Variants in GNAO1 observed in about 807,000 individuals in gnomAD.
The protein encoded by GNAO1 is guanine nucleotide-binding protein G(o) subunit alpha.
For synonymous variants in GNAO1, 164 were observed against 180.7 expected, an observed-to-expected ratio of 0.91 and a Z score of 0.74; for missense variants, 166 against 478.7, an observed-to-expected ratio of 0.35 and a Z score of 6.10.
chr16:56,325,347 A>G (rs535880469), intron 3 of GNAO1, among the ~76,000 whole-genome samples: 252 of 152,304 alleles, frequency 1.7e-3, no homozygotes, highest in Non-Finnish European at 3.1e-3. Flanking sequence ...GTGGTGGCAC[A>G]TGCCTGTAAT....
chr16:56,287,717 G>A (rs1463436718), intron 3 of GNAO1, among the ~76,000 whole-genome samples: 8 of 152,206 alleles, frequency 5.3e-5, no homozygotes, highest in Non-Finnish European at 1.2e-4. Flanking sequence ...AGAATCAGCT[G>A]TCCCTTCTGA....
At chr16:56,213,159 G>T (rs1215232663) in intron 2 of GNAO1, 1 of 394,964 alleles carries the variant, frequency 2.5e-6, no homozygotes, top group Admixed American at 4.4e-5. Context: ...ATGTGAATTT[G>T]TCTGTTTTCA....
chr16:56,270,793 A>C (rs1002622969), intron 2 of GNAO1: 16 of 152,176 alleles, frequency 1.1e-4, no homozygotes, highest in African/African-American at 3.4e-4. Flanking sequence ...AGAGGGAATT[A>C]TTTGGCTCAT....
At chr16:56,203,600 C>T (rs1430617884) in intron 2 of GNAO1, among the ~76,000 whole-genome samples, 2 of 152,054 alleles carry the variant, frequency 1.3e-5, no homozygotes, top group African/African-American at 4.8e-5. Context: ...GAGAGGGAGC[C>T]AGAAAGACAT....
intron 2 of GNAO1, among the ~76,000 whole-genome samples, chr16:56,217,112 A>G (rs1203105895): frequency 6.6e-6 from 1 of 152,238 alleles, no homozygotes; most frequent in African/African-American, 2.4e-5. Flanking sequence ...TGTCCTGGCT[A>G]TATTTTCCAT....
intron 2 of GNAO1, among the ~76,000 whole-genome samples, chr16:56,237,369 C>T (rs1257728453): frequency 1.3e-5 from 2 of 152,126 alleles, no homozygotes; most frequent in African/African-American, 4.8e-5. Flanking sequence ...ATGAACCCCT[C>T]CTCTTGTAGG....
chr16:56,240,832 A>G (rs1365651977), intron 2 of GNAO1, among the ~76,000 whole-genome samples: 6 of 152,180 alleles, frequency 3.9e-5, no homozygotes, highest in Non-Finnish European at 7.3e-5. Context: ...AAGGATGCTT[A>G]TAAAACTAGA....
intron 2 of GNAO1, among the ~76,000 whole-genome samples, chr16:56,269,955 G>A (rs936968447): frequency 1.1e-4 from 17 of 152,186 alleles, no homozygotes; most frequent in Non-Finnish European, 2.1e-4. Context: ...TGCCTGGGGA[G>A]TCTCACTGCA....
At chr16:56,349,485 G>A (rs2037902274) in intron 6 of GNAO1, among the ~76,000 whole-genome samples, 1 of 152,206 alleles carries the variant, frequency 6.6e-6, no homozygotes, top group East Asian at 1.9e-4. Context: ...AGAAGCCTCC[G>A]GCTGCCCTTT....
intron 2 of GNAO1, among the ~76,000 whole-genome samples, chr16:56,198,827 G>A (rs922189323): frequency 6.6e-6 from 1 of 152,184 alleles, no homozygotes; most frequent in Non-Finnish European, 1.5e-5. Context: ...AAGCAGAAGG[G>A]GGGTGCTGTG....
chr16:56,215,494 C>CT (rs1476091108), intron 2 of GNAO1, among the ~76,000 whole-genome samples: 1 of 152,144 alleles, frequency 6.6e-6, no homozygotes, highest in African/African-American at 2.4e-5. Context: ...GTTTTGTGGC[C>CT]TTGGGCAACT....
chr16:56,234,158 G>T (rs1257296787), intron 2 of GNAO1, among the ~76,000 whole-genome samples: 13 of 152,240 alleles, frequency 8.5e-5, no homozygotes, highest in Non-Finnish European at 1.9e-4. Flanking sequence ...ACTGTGAGTG[G>T]CCCTAGGTGC....
chr16:56,347,115 T>C (rs1266346246), intron 6 of GNAO1: 21 of 985,338 alleles, frequency 2.1e-5, no homozygotes, highest in Non-Finnish European at 2.5e-5. Flanking sequence ...GGATATTTAA[T>C]GAGCACTCGG....
At chr16:56,195,513 G>A (rs7190610) in intron 2 of GNAO1, among the ~76,000 whole-genome samples, 6,645 of 152,328 alleles carry the variant, frequency 0.044, 326 homozygotes, top group African/African-American at 0.11. Context: ...ATTCTACTGT[G>A]GATGGGGCCA....
At position 56,326,388 on chromosome 16, in the gene GNAO1, C is replaced by T. The variant is rs552254837; in HGVS notation, c.304-2243C>T. On this transcript the variant is annotated intron_variant, in intron 3 of 8. Transcript: ENST00000262493. The surrounding 1 kb of genome is among the most constrained non-coding windows in gnomAD (Gnocchi z 4.8). The stretch of plus-strand genomic sequence containing the variant: ...CAAGAAGACAGGGTATGTCTGGTGC[C>T]TGGGCTGAGACAGGGGCTTGCTGTC... 2.8e-4 allele frequency among the ~76,000 whole-genome samples: 43 copies of T among 152,268 alleles called. No homozygotes were observed. The highest frequency in any genetic ancestry group is 2.7e-3 in the Admixed American group (42 of 15,306).
intron 3 of GNAO1, among the ~76,000 whole-genome samples, chr16:56,304,590 C>T (rs1454100864): frequency 6.6e-6 from 1 of 152,152 alleles, no homozygotes. Context: ...CATCAGTTTA[C>T]AACTTTTTTT....
chr16:56,344,261 C>T (rs1406501694), intron 6 of GNAO1: 7 of 1,296,916 alleles, frequency 5.4e-6, no homozygotes, highest in Non-Finnish European at 6.9e-6. Context: ...GATGGGCACA[C>T]CCTGCACCTG....
At chr16:56,228,398 T>C (rs1400067226) in intron 2 of GNAO1, among the ~76,000 whole-genome samples, 1 of 151,950 alleles carries the variant, frequency 6.6e-6, no homozygotes, top group African/African-American at 2.4e-5. Flanking sequence ...TGTGTGTGTA[T>C]ATATGTGAGT....
At position 56,351,374 on chromosome 16, in the gene GNAO1, G is replaced by A. The variant is rs768524797; in HGVS notation, c.724-10G>A. 3.7e-6 allele frequency: 6 copies of A among 1,608,126 alleles called. No homozygotes were observed. The highest frequency in any genetic ancestry group is 4.3e-6 in the Non-Finnish European group (5 of 1,175,502). ...TGTCTGTCCTCTCTCCTCCCTTCCT[G>A]CGGCCGCAGAACCGCATGCACGAGT... On this transcript the variant is annotated splice_polypyrimidine_tract_variant and intron_variant, in intron 6 of 8. Transcript: ENST00000262493. This position sits in a 1 kb window ranked among gnomAD's most constrained non-coding sequence, Gnocchi z 6.1.
Sources: allele counts gnomAD v4.1 joint callset (sites outside exome capture counted in the v4.1 genomes callset), GRCh38; gene constraint gnomAD v4.1.1; non-coding constraint Gnocchi (gnomAD v3.1); transcripts MANE v1.5; gene names NCBI Gene and HGNC (gene_info 2026-07-23, HGNC 2026-07-21).